The following USP25 variants were observed in gnomAD, a reference collection of about 807,000 sequenced individuals.
USP25 encodes ubiquitin carboxyl-terminal hydrolase 25.
Under a neutral mutation model 158.5 loss-of-function variants are expected in USP25, and 85 were observed. The ratio of observed to expected loss-of-function variants is 0.54; its 90% CI spans 0.45 to 0.64. The LOEUF is 0.64. Ranked by LOEUF, USP25 falls within the 30% of genes least tolerant of loss-of-function variation. The pLI, the probability that USP25 is intolerant of heterozygous loss-of-function variation, is 0.00. For synonymous variants in USP25, 464 were observed against 460.4 expected (o/e 1.01, Z -0.10); for missense variants, 1,242 against 1,327.3 (o/e 0.94, Z 1.00).
chr21:15,864,166 A>C (rs2039554700), intron 20 of USP25, 102 bp from the exon 21 acceptor site: 3 of 1,296,544 alleles, frequency 2.3e-6, no homozygotes, highest in African/African-American at 1.5e-5. Flanking sequence ...GCCAAAAAAA[A>C]AAAAAAGATT....
At position 15,827,003 on chromosome 21, in the gene USP25, C is replaced by T; in HGVS notation, c.1493C>T (p.Ser498Phe). 1 of 1,614,044 alleles carries T rather than the reference C, an allele frequency of 6.2e-7. No homozygotes were observed. Among genetic ancestry groups the T allele is most frequent in the Non-Finnish European group, 8.5e-7 (1 of 1,180,024 alleles). ...PSTTEQQGAL[S>F]SELPSTSPSS... ...ACAACAGAACAACAGGGAGCCCTAT[C>T]TTCAGAACTGCCAAGCACATCACCT... Residue 498 changes from serine (S) to phenylalanine (F), a missense_variant, in exon 14 of 26, where the codon TCT becomes TTT. Ser to Phe is a radical substitution (Grantham distance 155). This residue lies in a region of USP25 where 627 missense variants were observed against 701.4 expected (regional missense o/e 0.89). Transcript: ENST00000400183.
In USP25 at chr21:15,867,807, G is replaced by A. The variant is rs753317555; in HGVS notation, c.2805+1463G>A. Among the ~76,000 whole-genome samples, 7 of 152,078 alleles carry A rather than the reference G, an allele frequency of 4.6e-5. 1 individual carries two copies. The highest frequency in any genetic ancestry group is 7.2e-5 in the African/African-American group (3 of 41,428). On this transcript the variant is annotated intron_variant, in intron 22 of 25. Transcript: ENST00000400183. ...TAGAAATAAATTTAACAAAAGGTGCGTGTGACTTCTGTGGGGAAAATTATA... is the reference window on the plus strand; with the variant it reads ...TAGAAATAAATTTAACAAAAGGTGCATGTGACTTCTGTGGGGAAAATTATA...
intron 20 of USP25, among the ~76,000 whole-genome samples, chr21:15,850,794 C>T (rs572232277): frequency 6.6e-6 from 1 of 151,974 alleles, no homozygotes; most frequent in African/African-American, 2.4e-5. Context: ...GTAGACCTAT[C>T]AATAAGCATT....
chr21:15,761,686 A>G (rs541890399), intron 1 of USP25, among the ~76,000 whole-genome samples: 3 of 152,322 alleles, frequency 2.0e-5, no homozygotes, highest in South Asian at 4.1e-4. Flanking sequence ...GCCATCCTGT[A>G]GGAGGAATCA....
chr21:15,796,741 A>G (rs1448881160), intron 5 of USP25, among the ~76,000 whole-genome samples: 1 of 151,352 alleles, frequency 6.6e-6, no homozygotes, highest in Non-Finnish European at 1.5e-5. Context: ...TCTCTCTTAG[A>G]AGATAGTATT....
intron 17 of USP25, among the ~76,000 whole-genome samples, chr21:15,840,719 C>T (rs2038292722): frequency 6.6e-6 from 1 of 152,180 alleles, no homozygotes; most frequent in South Asian, 2.1e-4. Flanking sequence ...GATCAGATAA[C>T]ATTACTCTTG....
At chr21:15,833,142 CATT>C (rs2037895383) in intron 16 of USP25, among the ~76,000 whole-genome samples, 3 of 152,224 alleles carry the variant, frequency 2.0e-5, no homozygotes, top group Admixed American at 2.0e-4. Context: ...ATATTTTCAT[CATT>C]GTTTTTCTGA....
At chr21:15,867,622 C>T (rs751778214) in intron 22 of USP25, among the ~76,000 whole-genome samples, 4 of 151,970 alleles carry the variant, frequency 2.6e-5, no homozygotes, top group African/African-American at 4.8e-5. Flanking sequence ...CCTTGAAATT[C>T]AAATAAAATC....
intron 5 of USP25, among the ~76,000 whole-genome samples, chr21:15,795,741 G>A (rs973329835): frequency 2.6e-5 from 4 of 151,534 alleles, no homozygotes; most frequent in African/African-American, 9.7e-5. Flanking sequence ...CACCCACAGA[G>A]GGGAGGCAAT....
chr21:15,856,102 A>C (rs1045298456), intron 20 of USP25, among the ~76,000 whole-genome samples: 1 of 152,238 alleles, frequency 6.6e-6, no homozygotes, highest in Non-Finnish European at 1.5e-5. Flanking sequence ...TCCTAAATCC[A>C]GGGATGTAGC....
At chr21:15,748,183 C>A (rs562235497) in intron 1 of USP25, among the ~76,000 whole-genome samples, 19 of 152,324 alleles carry the variant, frequency 1.2e-4, no homozygotes, top group African/African-American at 4.6e-4. Context: ...GTTCCTCCTT[C>A]CCATTAATAC....
Position 15,770,981 on chromosome 21 carries a change from T to G in USP25, c.268+4840T>G, listed in dbSNP as rs373325069. On this transcript the variant is annotated intron_variant, in intron 3 of 25. Transcript: ENST00000400183. ...TTACTATGCTGTCTGCCCTTTCACT[T>G]GAAAAAATTTTGAATATATAAAAGA... Among the ~76,000 whole-genome samples the G allele has an allele frequency of 5.9e-5, 9 of 152,204 alleles. No individual in the cohort carries two copies. In the East Asian group the frequency reaches 1.3e-3, roughly 23 times the overall value.
intron 3 of USP25, among the ~76,000 whole-genome samples, chr21:15,768,532 G>A (rs1269476383): frequency 6.6e-6 from 1 of 151,948 alleles, no homozygotes; most frequent in Admixed American, 6.6e-5. Flanking sequence ...AAGAAATGAA[G>A]TCGTGTATTT....
At chr21:15,784,357 G>T (rs938173910) in intron 4 of USP25, among the ~76,000 whole-genome samples, 1 of 152,220 alleles carries the variant, frequency 6.6e-6, no homozygotes, top group Non-Finnish European at 1.5e-5. Context: ...CGGATCATCT[G>T]AGGTCAGGAG....
At chr21:15,868,837 A>G (rs2039765736) in intron 22 of USP25, among the ~76,000 whole-genome samples, 1 of 152,202 alleles carries the variant, frequency 6.6e-6, no homozygotes, top group Admixed American at 6.5e-5. Flanking sequence ...TAATGACAAC[A>G]AGGAATGACA....
At chr21:15,770,329 G>A (rs563763326) in intron 3 of USP25, among the ~76,000 whole-genome samples, 7 of 152,210 alleles carry the variant, frequency 4.6e-5, no homozygotes, top group Admixed American at 3.9e-4. Context: ...TCCAACTGAT[G>A]GGTGCAATTA....
chr21:15,831,567 A>T lies in USP25; in HGVS notation c.1931A>T (p.Tyr644Phe), dbSNP rs1334777212. 2 of 1,614,002 alleles carry T rather than the reference A, an allele frequency of 1.2e-6. No individual in the cohort carries two copies. The highest frequency in any genetic ancestry group is 1.7e-6 in the Non-Finnish European group (2 of 1,179,982). The change falls in exon 16 of 26, where the codon TAT becomes TTT. Residue 644 changes from tyrosine to phenylalanine, a missense_variant. Physicochemically the swap from Tyr to Phe is conservative, Grantham distance 22. This residue lies in a region of USP25 where 608 missense variants were observed against 605.2 expected (regional missense o/e 1.00). Transcript: ENST00000400183. The part of the protein sequence containing the change: ...EELVRDSFGG[Y>F]RNASAYCLMY... The stretch of plus-strand genomic sequence containing the variant: ...CTAGTGAGGGACTCTTTTGGTGGTT[A>T]TAGAAATGCCAGTGCATACTGTTTA...
At chr21:15,748,140 T>C (rs1177658767) in intron 1 of USP25, among the ~76,000 whole-genome samples, 1 of 152,196 alleles carries the variant, frequency 6.6e-6, no homozygotes, top group East Asian at 1.9e-4. Context: ...TCAGAATTTT[T>C]CCCCTCTGGA....
chr21:15,869,765 G>A (rs1249431365), intron 22 of USP25, among the ~76,000 whole-genome samples: 1 of 152,100 alleles, frequency 6.6e-6, no homozygotes, highest in Admixed American at 6.6e-5. Flanking sequence ...TTATACTGAT[G>A]AATTTTTGAG....
Sources: gnomAD v4.1 joint callset for allele counts (sites outside exome capture counted in the v4.1 genomes callset) on GRCh38, gnomAD v4.1.1 for gene constraint, gnomAD v4.1.1 regional missense constraint, MANE v1.5 for transcripts, NCBI Gene and HGNC (gene_info 2026-07-23, HGNC 2026-07-21) for gene names.